The following DAB1 variants were observed in gnomAD, a reference collection of about 807,000 sequenced individuals.
DAB1 encodes the protein DAB adaptor protein 1, also known as disabled homolog 1.
Under a neutral mutation model 64.6 loss-of-function variants are expected in DAB1, and 15 were observed. That is an observed-to-expected ratio of 0.23 (90% confidence interval 0.16 to 0.36). The LOEUF is 0.36. Among genes scored for constraint, DAB1 ranks in the 10% least tolerant of loss-of-function variants. The pLI is 1.00. For missense variants in DAB1, 596 were observed against 706.7 expected, an observed-to-expected ratio of 0.84 and a Z score of 1.78; for synonymous variants, 235 against 251.9, an observed-to-expected ratio of 0.93 and a Z score of 0.64.
At chr1:58,517,195 A>T (rs1397471095) in intron 2 of DAB1, among the ~76,000 whole-genome samples, 1 of 152,226 alleles carries the variant, frequency 6.6e-6, no homozygotes, top group Non-Finnish European at 1.5e-5. Context: ...ACAAGAGCTC[A>T]AACACACATC....
intron 3 of DAB1, among the ~76,000 whole-genome samples, chr1:58,413,601 C>T (rs1490115546): frequency 6.6e-6 from 1 of 152,178 alleles, no homozygotes; most frequent in African/African-American, 2.4e-5. Flanking sequence ...CAGTCCCAAC[C>T]ATGCTAACAG....
At chr1:58,534,269 T>C (rs1336428482) in intron 1 of DAB1, 1 of 871,250 alleles carries the variant, frequency 1.1e-6, no homozygotes, top group African/African-American at 1.6e-5. Context: ...AAAGCACTTC[T>C]TTAACAGCCA....
At chr1:57,973,257 C>T (rs995646332) in intron 5 of DAB1, among the ~76,000 whole-genome samples, 1 of 152,176 alleles carries the variant, frequency 6.6e-6, no homozygotes, top group Non-Finnish European at 1.5e-5. Context: ...GGAATGCCTG[C>T]AGCCACCAGA....
At chr1:57,258,995 G>A (rs942146390) in intron 2 of DAB1, among the ~76,000 whole-genome samples, 16 of 152,122 alleles carry the variant, frequency 1.1e-4, no homozygotes, top group African/African-American at 3.6e-4. Context: ...CTACTTTCAT[G>A]CCTGCTTGGT....
At chr1:58,364,323 T>C (rs1644195678) in intron 3 of DAB1, among the ~76,000 whole-genome samples, 1 of 152,200 alleles carries the variant, frequency 6.6e-6, no homozygotes, top group Admixed American at 6.5e-5. Context: ...TAATGAGCTA[T>C]TCCTGGGGTA....
chr1:57,927,301 T>C (rs1033258154), intron 5 of DAB1, among the ~76,000 whole-genome samples: 2 of 152,178 alleles, frequency 1.3e-5, no homozygotes, highest in South Asian at 2.1e-4. Context: ...CCTTGAGTGA[T>C]AGCTTCAGTC....
intron 1 of DAB1, among the ~76,000 whole-genome samples, chr1:57,294,279 T>C (rs541672665): frequency 2.6e-4 from 40 of 152,348 alleles, no homozygotes; most frequent in African/African-American, 9.6e-4. Flanking sequence ...CAATCTGCAG[T>C]AATTTAATAT....
chr1:57,502,541 T>C (rs559682995), intron 7 of DAB1, among the ~76,000 whole-genome samples: 2 of 152,196 alleles, frequency 1.3e-5, no homozygotes, highest in Non-Finnish European at 2.9e-5. Context: ...CCGAATAGAA[T>C]GTTAAGTCCA....
intron 3 of DAB1, among the ~76,000 whole-genome samples, chr1:58,460,255 T>A (rs963612371): frequency 6.6e-6 from 1 of 152,046 alleles, no homozygotes; most frequent in Non-Finnish European, 1.5e-5. Context: ...CCTGATCCTA[T>A]CAGATGAGGA....
At chr1:57,187,827 C>T (rs543243376) in intron 2 of DAB1, among the ~76,000 whole-genome samples, 28 of 152,014 alleles carry the variant, frequency 1.8e-4, no homozygotes, top group Admixed American at 1.4e-3. Context: ...CTGATTGAGT[C>T]ACTGAAAGAG....
chr1:57,536,760 C>T (rs1025000503), intron 7 of DAB1, among the ~76,000 whole-genome samples: 18 of 151,716 alleles, frequency 1.2e-4, no homozygotes. Flanking sequence ...CTGCTTACCT[C>T]TCCCTTTCTG....
intron 11 of DAB1, among the ~76,000 whole-genome samples, chr1:57,017,450 AG>A (rs1171057992): frequency 1.3e-5 from 2 of 152,184 alleles, no homozygotes; most frequent in Non-Finnish European, 2.9e-5. Context: ...GATCCAATGC[AG>A]GGTGCCTCAC....
intron 5 of DAB1, among the ~76,000 whole-genome samples, chr1:58,037,545 C>A (rs1647064047): frequency 6.6e-6 from 1 of 152,136 alleles, no homozygotes; most frequent in East Asian, 1.9e-4. Flanking sequence ...TGTGAGGAAT[C>A]TAGGTTGCAT....
At chr1:57,606,828 T>C (rs917020164) in intron 7 of DAB1, among the ~76,000 whole-genome samples, 20 of 147,530 alleles carry the variant, frequency 1.4e-4, no homozygotes, top group Non-Finnish European at 2.2e-4. Flanking sequence ...TCACCCTTGT[T>C]GCCCAGGCTA....
intron 5 of DAB1, among the ~76,000 whole-genome samples, chr1:58,136,194 C>A (rs558475): frequency 0.51 from 78,047 of 151,990 alleles, 22,201 homozygotes; most frequent in East Asian, 0.86. Context: ...TGCTCCAGAC[C>A]GTAGAAATTG....
intron 1 of DAB1, among the ~76,000 whole-genome samples, chr1:57,324,078 C>T (rs535555667): frequency 6.6e-6 from 1 of 152,166 alleles, no homozygotes; most frequent in Non-Finnish European, 1.5e-5. Flanking sequence ...TTCAATCAGA[C>T]ATTATAGTCA....
At chr1:57,719,601 G>A (rs1647127419) in intron 6 of DAB1, among the ~76,000 whole-genome samples, 1 of 152,158 alleles carries the variant, frequency 6.6e-6, no homozygotes, top group South Asian at 2.1e-4. Flanking sequence ...GAGATCAAAT[G>A]GTTTAAAATT....
chr1:57,083,076 A>G (rs1274210253), intron 4 of DAB1, among the ~76,000 whole-genome samples: 1 of 152,184 alleles, frequency 6.6e-6, no homozygotes, highest in African/African-American at 2.4e-5. Flanking sequence ...GTTGCTATGC[A>G]TAGAGTTCCT....
intron 6 of DAB1, among the ~76,000 whole-genome samples, chr1:57,654,730 C>T (rs1646296526): frequency 6.6e-6 from 1 of 152,052 alleles, no homozygotes; most frequent in Non-Finnish European, 1.5e-5. Flanking sequence ...TTTATTTTCT[C>T]TGTTGCTTTT....
Sources: gnomAD v4.1 joint callset for allele counts (sites outside exome capture counted in the v4.1 genomes callset) on GRCh38, gnomAD v4.1.1 for gene constraint, MANE v1.5 for transcripts, NCBI Gene and HGNC (gene_info 2026-07-23, HGNC 2026-07-21) for gene names.